The following UBE2F variants were observed in gnomAD, a reference collection of about 807,000 sequenced individuals.
The protein encoded by UBE2F is ubiquitin conjugating enzyme E2 F (putative), also known as NEDD8-conjugating enzyme UBE2F.
In UBE2F, 5 loss-of-function variants were observed where a neutral mutation model predicts 29.6. The ratio of observed to expected loss-of-function variants is 0.17; its 90% CI spans 0.09 to 0.36. The LOEUF is 0.36. UBE2F is among the 10% of genes least tolerant of loss of function. UBE2F has a pLI of 1.00. For missense variants in UBE2F, 141 were observed against 228.5 expected (o/e 0.62, Z 2.47); for synonymous variants, 66 against 81.8 (o/e 0.81, Z 1.04).
chr2:238,038,670 G>C (rs918483165), intron 9 of UBE2F, among the ~76,000 whole-genome samples: 1 of 152,160 alleles, frequency 6.6e-6, no homozygotes, highest in Non-Finnish European at 1.5e-5. Flanking sequence ...TTTGCAACTG[G>C]TACACTTTTA....
chr2:238,015,927 G>C (rs543773752), intron 4 of UBE2F, among the ~76,000 whole-genome samples: 1 of 152,082 alleles, frequency 6.6e-6, no homozygotes, highest in African/African-American at 2.4e-5. Context: ...GGTAAAGAGG[G>C]AGTGGGGGTA....
chr2:237,980,928 T>G (rs923622749), intron 2 of UBE2F, among the ~76,000 whole-genome samples: 8 of 152,156 alleles, frequency 5.3e-5, no homozygotes, highest in Non-Finnish European at 1.2e-4. Context: ...GGGGCCTCTG[T>G]GGTGATCAGG....
chr2:238,025,298 C>T, intron 5 of UBE2F, 44 bp from the exon 6 acceptor site: 1 of 1,548,176 alleles, frequency 6.5e-7, no homozygotes, highest in Non-Finnish European at 8.9e-7. Flanking sequence ...ATGTGATTTG[C>T]AGAGACTGTC....
intron 1 of UBE2F, among the ~76,000 whole-genome samples, chr2:237,969,064 G>A (rs1038174153): frequency 1.3e-5 from 2 of 152,168 alleles, no homozygotes; most frequent in Admixed American, 6.5e-5. Context: ...TAGAAAAATA[G>A]ATGGTCACTA....
At chr2:238,029,561 A>G (rs574160494) in intron 6 of UBE2F, among the ~76,000 whole-genome samples, 233 of 149,450 alleles carry the variant, frequency 1.6e-3, no homozygotes, top group South Asian at 0.011. Flanking sequence ...GTGCCACTGC[A>G]CTCCAGCCTG....
chr2:237,973,328 C>G (rs183427333), intron 2 of UBE2F, 103 bp downstream of exon 2: 15 of 1,306,632 alleles, frequency 1.1e-5, no homozygotes, highest in Middle Eastern at 2.3e-4. Context: ...AATAGAAATA[C>G]CTGTTTAAAA....
At chr2:237,995,502 T>A (rs545455479) in intron 4 of UBE2F, among the ~76,000 whole-genome samples, 1 of 152,284 alleles carries the variant, frequency 6.6e-6, no homozygotes, top group South Asian at 2.1e-4. Context: ...TCGATGCTGT[T>A]GTGGGGAATT....
intron 6 of UBE2F, among the ~76,000 whole-genome samples, chr2:238,028,192 A>G (rs989411638): frequency 6.6e-6 from 1 of 152,228 alleles, no homozygotes; most frequent in Non-Finnish European, 1.5e-5. Context: ...TGCCCAGACC[A>G]GTGGCCACCA....
chr2:237,968,295 G>A (rs2063102472), intron 1 of UBE2F, among the ~76,000 whole-genome samples: 1 of 152,158 alleles, frequency 6.6e-6, no homozygotes, highest in South Asian at 2.1e-4. Flanking sequence ...TCAGGTAGTA[G>A]GCAGTGCAGG....
intron 8 of UBE2F, among the ~76,000 whole-genome samples, chr2:238,033,057 GC>G (rs2064622621): frequency 6.6e-6 from 1 of 152,218 alleles, no homozygotes; most frequent in Admixed American, 6.5e-5. Flanking sequence ...CCACTTCTGT[GC>G]CTGTGGCTAC....
At chr2:237,968,938 A>G (rs922159690) in intron 1 of UBE2F, 1 of 678,532 alleles carries the variant, frequency 1.5e-6, no homozygotes, top group Admixed American at 6.3e-5. Flanking sequence ...GACAGTTTGA[A>G]GACTTACTTT....
Position 237,967,700 on chromosome 2 carries a change from G to A in UBE2F, c.-17+568G>A, listed in dbSNP as rs2063087226. On this transcript the variant is annotated intron_variant, in intron 1 of 9. Coordinates refer to ENST00000272930, the MANE Select transcript of UBE2F (RefSeq NM_080678.3). The surrounding 1 kb of genome is among the most constrained non-coding windows in gnomAD (Gnocchi z 6.3). ...TACCTGCAGCGGGAAGAGTAAGTATGGACGCTTACCTACAACTGGGGGCGG... is the reference window on the plus strand; with the variant it reads ...TACCTGCAGCGGGAAGAGTAAGTATAGACGCTTACCTACAACTGGGGGCGG... Among the ~76,000 whole-genome samples, 2 of 152,196 alleles carry A rather than the reference G, an allele frequency of 1.3e-5. No homozygotes were observed.
rs182642988 is a variant in UBE2F, at chr2:237,981,370, T to A, written c.119-6593T>A. Among the ~76,000 whole-genome samples, 514 of 152,190 alleles carry A rather than the reference T, an allele frequency of 3.4e-3. 7 individuals carry two copies. The highest frequency in any genetic ancestry group is 0.012 in the African/African-American group (487 of 41,528). ...CTCCCTGAGATGAGCACTGTGGGAG[T>A]GTGCCTGGCTTATTTTCTGCCCTGG... On this transcript the variant is annotated intron_variant, in intron 2 of 9. Coordinates refer to ENST00000272930, the MANE Select transcript of UBE2F (RefSeq NM_080678.3).
chr2:237,968,199 GGA>G (rs141359222), intron 1 of UBE2F, among the ~76,000 whole-genome samples: 1 of 151,938 alleles, frequency 6.6e-6, no homozygotes, highest in Non-Finnish European at 1.5e-5. Context: ...CATAGAGGTG[GGA>G]GAGAGAGAGA....
At chr2:238,029,416 G>A (rs954232149) in intron 6 of UBE2F, among the ~76,000 whole-genome samples, 10 of 151,992 alleles carry the variant, frequency 6.6e-5, no homozygotes, top group Non-Finnish European at 1.2e-4. Context: ...GTGAAACCCC[G>A]TCTCTACTAA....
chr2:238,016,244 T>G (rs2064149392), intron 4 of UBE2F, among the ~76,000 whole-genome samples: 1 of 152,116 alleles, frequency 6.6e-6, no homozygotes, highest in Non-Finnish European at 1.5e-5. Context: ...TTCGGAGGGT[T>G]GTAGGTTCCA....
intron 2 of UBE2F, chr2:237,986,080 CTG>C: frequency 3.5e-6 from 1 of 285,816 alleles, no homozygotes; most frequent in Non-Finnish European, 6.9e-6. Context: ...AGATATTAAT[CTG>C]TTTGTCGAAT....
Position 238,016,562 on chromosome 2 carries a change from A to G in UBE2F, c.215-4A>G. Reference sequence around the variant, plus strand: ...TTTTTGTTTTGTTTTGTGTTTTTTGATAGATGAGGGTTACTACCAGGGTGG... The same window carrying G: ...TTTTTGTTTTGTTTTGTGTTTTTTGGTAGATGAGGGTTACTACCAGGGTGG... On this transcript the variant is annotated splice_region_variant and splice_polypyrimidine_tract_variant and intron_variant, in intron 4 of 9. Transcript: ENST00000272930. 6.2e-7 allele frequency: 1 copy of G among 1,602,478 alleles called. No individual in the cohort carries two copies. Among genetic ancestry groups the G allele is most frequent in the Non-Finnish European group, 8.5e-7 (1 of 1,176,124 alleles).
chr2:237,992,697 G>A (rs1416438070), intron 3 of UBE2F, among the ~76,000 whole-genome samples: 1 of 152,294 alleles, frequency 6.6e-6, no homozygotes, highest in South Asian at 2.1e-4. Flanking sequence ...CCTTGCTTCT[G>A]TTGATAACCT....
Sources: allele counts gnomAD v4.1 joint callset (sites outside exome capture counted in the v4.1 genomes callset), GRCh38; gene constraint gnomAD v4.1.1; non-coding constraint Gnocchi (gnomAD v3.1); transcripts MANE v1.5; gene names NCBI Gene and HGNC (gene_info 2026-07-23, HGNC 2026-07-21).